The following CTDP1 variants were observed in gnomAD, a reference collection of about 807,000 sequenced individuals.
CTDP1 encodes the protein CTD phosphatase 1, also known as RNA polymerase II subunit A C-terminal domain phosphatase.
A neutral mutation model predicts 91.8 loss-of-function variants in CTDP1; 47 were observed. The observed-to-expected ratio is 0.51, with a 90% CI of 0.41 to 0.65. CTDP1 has a LOEUF of 0.65. Among genes scored for constraint, CTDP1 ranks in the 30% least tolerant of loss-of-function variants. CTDP1 has a pLI of 0.00. For synonymous variants in CTDP1, 656 were observed against 598.5 expected (o/e 1.10, Z -1.40); for missense variants, 1,272 against 1,373.7 (o/e 0.93, Z 1.17).
At position 79,724,391 on chromosome 18, in the gene CTDP1, G is replaced by C. The variant is rs111242661; in HGVS notation, c.2418-4516G>C. Among the ~76,000 whole-genome samples, 397 of 152,322 alleles carry C rather than the reference G, an allele frequency of 2.6e-3. 1 individual carries two copies. The highest frequency in any genetic ancestry group is 9.1e-3 in the African/African-American group (379 of 41,576). ...GTGTGTTTAGCTTTTTAAAGAAACT[G>C]CCAGACCTTTTTCTGGAATACCTGC... is the stretch of plus-strand genomic sequence containing the variant. On this transcript the variant is annotated intron_variant, in intron 10 of 12. Coordinates refer to ENST00000613122, the MANE Select transcript of CTDP1 (RefSeq NM_004715.5).
At chr18:79,739,264 G>A (rs1054669298) in intron 12 of CTDP1, among the ~76,000 whole-genome samples, 9 of 152,168 alleles carry the variant, frequency 5.9e-5, no homozygotes, top group Non-Finnish European at 1.0e-4. Flanking sequence ...TGTTGCTGGC[G>A]GCCAGCCACG....
At position 79,729,127 on chromosome 18, in the gene CTDP1, T is replaced by C. The variant is rs1234846367; in HGVS notation, c.2580+58T>C. On this transcript the variant is annotated intron_variant, in intron 11 of 12. Transcript: ENST00000613122. ...AGCGCTCGTGCTGGGGCCGCAGAGC[T>C]CTGGTGTGCGGGCGGATTGCTGAGC... The C allele has an allele frequency of 6.9e-6, 11 of 1,605,586 alleles. No individual in the cohort carries two copies. The Admixed American group carries it at 1.8e-4, about 27-fold the overall frequency.
intron 12 of CTDP1, 71 bp downstream of exon 12, chr18:79,736,592 G>A (rs1030359264): frequency 2.2e-5 from 30 of 1,388,914 alleles, no homozygotes; most frequent in Middle Eastern, 2.6e-4. Flanking sequence ...TTGGTGGGCC[G>A]CCTACCTGCA....
chr18:79,714,567 T>C lies in CTDP1; in HGVS notation c.1107T>C (p.Pro369=), dbSNP rs1253198851. 2 of 1,613,080 alleles carry C rather than the reference T, an allele frequency of 1.2e-6. No individual in the cohort carries two copies. Among genetic ancestry groups the C allele is most frequent in the East Asian group, 2.2e-5 (1 of 44,870 alleles). The part of the protein sequence containing the change: ...VRDPEGVTQA[P]GVEPSNGLEK... ...ACCCTGAGGGGGTAACGCAGGCCCCTGGAGTGGAGCCCAGCAATGGCCTGG... is the reference window on the plus strand; with the variant it reads ...ACCCTGAGGGGGTAACGCAGGCCCCCGGAGTGGAGCCCAGCAATGGCCTGG... The change falls in exon 8 of 13, where the codon CCT becomes CCC. Residue 369 remains proline, a synonymous_variant. Transcript: ENST00000613122.
chr18:79,745,016 C>G (rs900887734), intron 12 of CTDP1, among the ~76,000 whole-genome samples: 3 of 152,188 alleles, frequency 2.0e-5, no homozygotes. Context: ...GGCCAGCTGG[C>G]TCTCAGCAGG....
chr18:79,715,094 G>A lies in CTDP1; in HGVS notation c.1634G>A (p.Gly545Asp), dbSNP rs768397443. Residue 545 changes from glycine (G) to aspartate (D), a missense_variant, in exon 8 of 13, where the codon GGC becomes GAC. Coordinates refer to ENST00000613122, the MANE Select transcript of CTDP1 (RefSeq NM_004715.5). ...GAGCGGGATGGCCTCTGCGGCCTGG[G>A]CAACGGCTGTGCCGACAGGAAGGAG... ...EGERDGLCGL[G>D]NGCADRKEAE... 6.2e-7 allele frequency: 1 copy of A among 1,613,196 alleles called. No homozygotes were observed. The highest frequency in any genetic ancestry group is 8.5e-7 in the Non-Finnish European group (1 of 1,179,886).
intron 11 of CTDP1, among the ~76,000 whole-genome samples, chr18:79,734,339 A>G (rs1306345624): frequency 6.6e-6 from 1 of 152,256 alleles, no homozygotes; most frequent in Non-Finnish European, 1.5e-5. Flanking sequence ...AAACAAGCCC[A>G]GGAAAGGTAG....
chr18:79,695,255 C>T lies in CTDP1; in HGVS notation c.345C>T (p.Ser115=). The T allele has an allele frequency of 6.2e-7, 1 of 1,614,092 alleles. No individual in the cohort carries two copies. The highest frequency in any genetic ancestry group is 8.5e-7 in the Non-Finnish European group (1 of 1,180,024). ...TTCTGGTGAGGTTGGAAGGATGCAG[C>T]CACCCGGTTGTCATGAAAGGCCTGT... ...GAVLVRLEGC[S]HPVVMKGLCA... is the part of the protein sequence containing the mutation. Residue 115 remains serine, a synonymous_variant, in exon 2 of 13, where the codon AGC becomes AGT. Coordinates refer to ENST00000613122, the MANE Select transcript of CTDP1 (RefSeq NM_004715.5).
intron 12 of CTDP1, among the ~76,000 whole-genome samples, chr18:79,741,930 G>A (rs947241683): frequency 2.0e-5 from 3 of 152,212 alleles, no homozygotes; most frequent in African/African-American, 4.8e-5. Context: ...CTCCCCAAAT[G>A]TAATGGAAAA....
chr18:79,695,918 G>A (rs2085736720), intron 2 of CTDP1, 59 bp from the exon 3 acceptor site: 2 of 1,333,482 alleles, frequency 1.5e-6, no homozygotes, highest in Admixed American at 1.7e-5. Flanking sequence ...TTAGAGCCCA[G>A]TGTGCATCTG....
chr18:79,720,897 A>G (rs1302616508), intron 10 of CTDP1, among the ~76,000 whole-genome samples: 1 of 152,040 alleles, frequency 6.6e-6, no homozygotes, highest in East Asian at 1.9e-4. Flanking sequence ...GTCCCCACAC[A>G]CAGACTTGTG....
chr18:79,697,758 G>T, intron 3 of CTDP1, 102 bp from the exon 4 acceptor site: 1 of 1,550,156 alleles, frequency 6.5e-7, no homozygotes. Context: ...GGGGGCTGGA[G>T]GGGAACACAT....
At chr18:79,743,608 C>A (rs72976181) in intron 12 of CTDP1, among the ~76,000 whole-genome samples, 19,068 of 149,704 alleles carry the variant, frequency 0.13, 1,589 homozygotes, top group Non-Finnish European at 0.19. Flanking sequence ...TAAATAATTA[C>A]AACGATGCAT....
intron 11 of CTDP1, among the ~76,000 whole-genome samples, chr18:79,732,487 A>G (rs1206017417): frequency 1.0e-5 from 1 of 97,050 alleles, no homozygotes; most frequent in African/African-American, 4.2e-5. Flanking sequence ...AGACATGAGA[A>G]CTCACATCAG....
intron 5 of CTDP1, among the ~76,000 whole-genome samples, chr18:79,709,297 A>G (rs2086032710): frequency 6.6e-6 from 1 of 152,240 alleles, no homozygotes; most frequent in Admixed American, 6.5e-5. Flanking sequence ...TCTTTATTTA[A>G]AAATATGAGC....
intron 12 of CTDP1, 92 bp downstream of exon 12, chr18:79,736,613 C>A: frequency 7.9e-7 from 1 of 1,258,314 alleles, no homozygotes; most frequent in Non-Finnish European, 1.1e-6. Flanking sequence ...TCTCATTCTT[C>A]ACGCCCTCCA....
At chr18:79,720,749 C>T (rs1355062648) in intron 10 of CTDP1, among the ~76,000 whole-genome samples, 1 of 152,122 alleles carries the variant, frequency 6.6e-6, no homozygotes, top group Admixed American at 6.5e-5. Flanking sequence ...CAGCAGGTGC[C>T]TAAAGTTCAG....
upstream of CTDP1, chr18:79,679,272 G>C: frequency 1.3e-5 from 5 of 389,100 alleles, 1 homozygote; most frequent in South Asian, 7.3e-5. Context: ...CCAAGCTCCC[G>C]CGGCGTGGGG....
intron 4 of CTDP1, chr18:79,703,139 C>A (rs1490153273): frequency 6.6e-6 from 1 of 152,216 alleles, no homozygotes; most frequent in Non-Finnish European, 1.5e-5. Context: ...GTTACTAGAA[C>A]TTCTCACTCC....
Sources: gnomAD v4.1 joint callset for allele counts (sites outside exome capture counted in the v4.1 genomes callset) on GRCh38, gnomAD v4.1.1 for gene constraint, MANE v1.5 for transcripts, NCBI Gene and HGNC (gene_info 2026-07-23, HGNC 2026-07-21) for gene names.